The following TLE3 variants were observed in gnomAD, a reference collection of about 807,000 sequenced individuals.
TLE3 encodes the protein TLE family member 3, transcriptional corepressor.
TLE3 carries 14 observed loss-of-function variants against 93.0 expected under a neutral mutation model. That is an observed-to-expected ratio of 0.15 (90% CI 0.10 to 0.24). The LOEUF is 0.24. Among genes scored for constraint, TLE3 ranks in the 10% least tolerant of loss-of-function variants. The pLI is 1.00. For missense variants in TLE3, 693 were observed against 1,046.6 expected, an observed-to-expected ratio of 0.66 and a Z score of 4.66; for synonymous variants, 451 against 425.0, an observed-to-expected ratio of 1.06 and a Z score of -0.75.
chr15:70,057,858 A>G, intron 12 of TLE3, 200 bp from the exon 13 acceptor site: 3 of 739,270 alleles, frequency 4.1e-6, no homozygotes, highest in Non-Finnish European at 6.5e-6. Flanking sequence ...ACCTCTTTTT[A>G]CAGAGCAGGA....
chr15:70,053,791 C>T (rs544595112), intron 16 of TLE3: 1 of 164,408 alleles, frequency 6.1e-6, no homozygotes, highest in East Asian at 1.7e-4. Context: ...GGACACAGCT[C>T]CTTAACTCGC....
At chr15:70,086,959 A>G (rs1453078756) in intron 4 of TLE3, among the ~76,000 whole-genome samples, 2 of 152,236 alleles carry the variant, frequency 1.3e-5, no homozygotes, top group Non-Finnish European at 2.9e-5. Flanking sequence ...TTTTAAATAA[A>G]GGCTCATGAC....
At position 70,086,437 on chromosome 15, in the gene TLE3, T is replaced by C. The variant is rs114811357; in HGVS notation, c.234+8095A>G. ...GTGAAAGGCCGCCTCCTCCAACCTT[T>C]TGGTCATATAGCTGGCAGGGTGGTG... On this transcript the variant is annotated intron_variant, in intron 4 of 19. Coordinates refer to ENST00000451782, the MANE Select transcript of TLE3 (RefSeq NM_001105192.3). 9.2e-3 allele frequency among the ~76,000 whole-genome samples: 1,405 copies of C among 152,232 alleles called. 25 individuals are homozygous for C. The highest frequency in any genetic ancestry group is 0.033 in the African/African-American group (1,361 of 41,518).
intron 4 of TLE3, 98 bp from the exon 5 acceptor site, chr15:70,076,256 C>G (rs2057440880): frequency 9.0e-7 from 1 of 1,114,162 alleles, no homozygotes; most frequent in Admixed American, 1.7e-5. Context: ...CAGACCACAG[C>G]CCCTCTCCAC....
intron 4 of TLE3, among the ~76,000 whole-genome samples, chr15:70,087,218 C>T (rs74883864): frequency 2.1e-3 from 323 of 152,222 alleles, no homozygotes; most frequent in African/African-American, 7.5e-3. Flanking sequence ...CTGTCCCTCA[C>T]GGAACTCACA....
At chr15:70,086,394 G>C (rs1427564899) in intron 4 of TLE3, among the ~76,000 whole-genome samples, 1 of 152,226 alleles carries the variant, frequency 6.6e-6, no homozygotes, top group African/African-American at 2.4e-5. Flanking sequence ...TAGCCCAAGG[G>C]AAAGATTTGG....
intron 17 of TLE3, 87 bp from the exon 18 acceptor site, chr15:70,052,611 C>G (rs1595857364): frequency 6.8e-7 from 1 of 1,459,980 alleles, no homozygotes; most frequent in East Asian, 2.5e-5. Context: ...TGCTCAGGTC[C>G]TCTGAGGCTC....
intron 14 of TLE3, chr15:70,055,936 C>T: frequency 2.6e-6 from 1 of 381,930 alleles, no homozygotes; most frequent in South Asian, 2.4e-5. Flanking sequence ...GGGCCTGCGA[C>T]CAGCGGCACT....
intron 13 of TLE3, among the ~76,000 whole-genome samples, chr15:70,056,646 C>T (rs988019854): frequency 1.3e-5 from 2 of 152,220 alleles, no homozygotes; most frequent in African/African-American, 4.8e-5. Flanking sequence ...CTTCTTTCCT[C>T]TCCTGTGGTC....
At chr15:70,062,124 C>A (rs780218697) in intron 8 of TLE3, among the ~76,000 whole-genome samples, 4 of 152,048 alleles carry the variant, frequency 2.6e-5, no homozygotes, top group Admixed American at 6.6e-5. Flanking sequence ...AGTTTCTGCC[C>A]GAAGCAAATT....
rs868714109 is a variant in TLE3 at position 70,056,311 on chromosome 15, G to C, written c.1315C>G (p.Pro439Ala). The part of the protein sequence containing the change: ...TGLPSSLASI[P>A]GGKPAYSFHV... ...GCCAAAGCTTACGGTTTTCCTCCAG[G>C]AATGGAGGCCAGGCTTGAGGGGAGG... The change falls in exon 14 of 20, where the codon CCT becomes GCT. Residue 439 changes from proline (P) to alanine (A), a missense_variant. Pro to Ala is a conservative substitution (Grantham distance 27). Coordinates refer to ENST00000451782, the MANE Select transcript of TLE3 (RefSeq NM_001105192.3). 6.2e-7 allele frequency: 1 copy of C among 1,613,580 alleles called. No individual in the cohort carries two copies. Among genetic ancestry groups the C allele is most frequent in the Non-Finnish European group, 8.5e-7 (1 of 1,179,874 alleles).
chr15:70,078,920 G>A (rs2057595966), intron 4 of TLE3, among the ~76,000 whole-genome samples: 1 of 152,200 alleles, frequency 6.6e-6, no homozygotes, highest in Admixed American at 6.5e-5. Context: ...CCAAGGGTCA[G>A]GGTCTCGGGA....
In TLE3 at chr15:70,058,193, C is replaced by T. The variant is rs761964342; in HGVS notation, c.1017G>A (p.Ser339=). 14 of 1,613,856 alleles carry T rather than the reference C, an allele frequency of 8.7e-6. No individual in the cohort carries two copies. Among genetic ancestry groups the T allele is most frequent in the East Asian group, 2.2e-5 (1 of 44,888 alleles). The change falls in exon 12 of 20, where the codon TCG becomes TCA. Residue 339 remains serine (S), a synonymous_variant. Transcript: ENST00000451782. The surrounding 1 kb of genome is among the most constrained non-coding windows in gnomAD (Gnocchi z 4.1). ...PGTSTTPGLR[S]MPGKPPGMDP... Reference sequence around the variant, plus strand: ...CCATGCCCGGAGGTTTACCCGGCATCGACCTGAGCCCTGGGGTCGTGCTGG... The same window carrying T: ...CCATGCCCGGAGGTTTACCCGGCATTGACCTGAGCCCTGGGGTCGTGCTGG...
intron 6 of TLE3, chr15:70,066,804 G>A: frequency 4.9e-6 from 1 of 204,058 alleles, no homozygotes; most frequent in Non-Finnish European, 1.1e-5. Flanking sequence ...GGACATCAGT[G>A]GTGGAAAACG....
chr15:70,056,826 A>G (rs1257264349), intron 13 of TLE3, among the ~76,000 whole-genome samples: 2 of 152,144 alleles, frequency 1.3e-5, no homozygotes, highest in African/African-American at 2.4e-5. Flanking sequence ...CGGTGGTGCA[A>G]TCTTGGCTCA....
At position 70,097,317 on chromosome 15, in the gene TLE3, A is replaced by G; in HGVS notation, c.-519T>C. On this transcript the variant is annotated 5_prime_UTR_variant, in exon 1 of 20. Transcript: ENST00000451782. ...GTCCGGGCCTGGGGCTCGCGGCGAG[A>G]AGAGGAAGGAGGCGGGCTACGAGGT... 5.0e-6 allele frequency: 2 copies of G among 401,102 alleles called. No individual in the cohort carries two copies. Among genetic ancestry groups the G allele is most frequent in the East Asian group, 3.6e-5 (1 of 28,032 alleles). 24.8% of individuals were successfully genotyped at this position (401,102 alleles called of 1,614,324 possible).
rs186570479 is a variant in TLE3, at chr15:70,076,152, T to C, written c.241A>G (p.Ile81Val). Residue 81 changes from isoleucine to valine, a missense_variant, in exon 5 of 20, where the codon ATT becomes GTT. Physicochemically the swap from Ile to Val is conservative, Grantham distance 29 (BLOSUM62 3). Transcript: ENST00000451782. The part of the protein sequence containing the change: ...LNIEMHKQTE[I>V]AKRLNTILAQ... Reference sequence around the variant, plus strand: ...AAAATTGTGTTCAGTCTCTTCGCAATCTCTGTCTGCAAAGGCAAGGAGACC... The same window carrying C: ...AAAATTGTGTTCAGTCTCTTCGCAACCTCTGTCTGCAAAGGCAAGGAGACC... 6.8e-5 allele frequency: 110 copies of C among 1,613,974 alleles called. No homozygotes were observed. The highest frequency in any genetic ancestry group is 3.8e-4 in the Admixed American group (23 of 60,026).
At chr15:70,088,571 G>A (rs984607479) in intron 4 of TLE3, among the ~76,000 whole-genome samples, 5 of 152,160 alleles carry the variant, frequency 3.3e-5, no homozygotes, top group South Asian at 2.1e-4. Context: ...CCTTGAGCAC[G>A]CAGTTCTCAC....
chr15:70,049,740 C>A lies in TLE3; in HGVS notation c.*357G>T. The A allele has an allele frequency of 4.6e-6, 1 of 217,088 alleles. No homozygotes were observed. The highest frequency in any genetic ancestry group is 9.5e-6 in the Non-Finnish European group (1 of 105,468). The allele number at this position is 217,088 out of a possible 1,614,324, so 13.4% of individuals were successfully genotyped here. The stretch of plus-strand genomic sequence containing the variant: ...TTGTGGTCCACTCCAGCACCCCCGA[C>A]CCAAGGTGAGGGACAGGGCAAAAGA... On this transcript the variant is annotated 3_prime_UTR_variant, in exon 20 of 20. Transcript: ENST00000451782.
Sources: allele counts gnomAD v4.1 joint callset (sites outside exome capture counted in the v4.1 genomes callset), GRCh38; gene constraint gnomAD v4.1.1; non-coding constraint Gnocchi (gnomAD v3.1); transcripts MANE v1.5; gene names NCBI Gene and HGNC (gene_info 2026-07-23, HGNC 2026-07-21).